The following MECOM variants were observed in gnomAD, a reference collection of about 807,000 sequenced individuals.
MECOM encodes the protein MDS1 and EVI1 complex locus.
Under a neutral mutation model 116.3 loss-of-function variants are expected in MECOM, and 13 were observed. That is an observed-to-expected ratio of 0.11 (90% CI 0.07 to 0.18). The LOEUF (loss-of-function observed/expected upper bound fraction) is 0.18, where lower values mean the gene tolerates loss of function less well. MECOM is among the 10% of genes least tolerant of loss of function. The probability of loss-of-function intolerance (pLI) is 1.00; values close to 1 mark genes in which losing one functional copy is unlikely to be tolerated. For synonymous variants in MECOM, 528 were observed against 535.2 expected, an observed-to-expected ratio of 0.99 and a Z score of 0.19; for missense variants, 1,299 against 1,509.0, an observed-to-expected ratio of 0.86 and a Z score of 2.31.
At chr3:169,311,881 G>T (rs977308104) in intron 2 of MECOM, among the ~76,000 whole-genome samples, 2 of 152,104 alleles carry the variant, frequency 1.3e-5, no homozygotes, top group Non-Finnish European at 2.9e-5. Flanking sequence ...TGATACCGTG[G>T]TTTAAGATGC....
At chr3:169,433,455 C>T (rs532076333) in intron 1 of MECOM, among the ~76,000 whole-genome samples, 11 of 147,140 alleles carry the variant, frequency 7.5e-5, no homozygotes, top group Non-Finnish European at 1.3e-4. Context: ...GCAACAACAG[C>T]GAAACTCGAA....
intron 2 of MECOM, among the ~76,000 whole-genome samples, chr3:169,379,868 T>C (rs1732108537): frequency 1.3e-5 from 2 of 152,138 alleles, no homozygotes; most frequent in Non-Finnish European, 2.9e-5. Context: ...AACTCACATA[T>C]CAGTTAATGC....
intron 2 of MECOM, among the ~76,000 whole-genome samples, chr3:169,355,085 C>T (rs1026657753): frequency 6.6e-6 from 1 of 151,766 alleles, no homozygotes; most frequent in Admixed American, 6.6e-5. Flanking sequence ...TTCAATTTGT[C>T]GGGAAAAAAG....
chr3:169,437,011 C>T lies in MECOM; in HGVS notation c.38-55487G>A, dbSNP rs75333350. ...AAATTATGAAGAAGTTATTTTGCTA[C>T]GGCTAAAAATAATTTCAGAGTACTT... On this transcript the variant is annotated intron_variant, in intron 1 of 16. Coordinates refer to ENST00000651503, the MANE Select transcript of MECOM (RefSeq NM_004991.4). Among the ~76,000 whole-genome samples, 555 of 152,134 alleles carry T rather than the reference C, an allele frequency of 3.6e-3. 8 individuals carry two copies. The East Asian group carries it at 0.049, about 13-fold the overall frequency.
At chr3:169,567,098 A>T (rs1483504020) in intron 1 of MECOM, among the ~76,000 whole-genome samples, 1 of 152,228 alleles carries the variant, frequency 6.6e-6, no homozygotes, top group Non-Finnish European at 1.5e-5. Flanking sequence ...GGGATGAATT[A>T]CACAATGTGA....
At chr3:169,168,251 G>C (rs1743904559) in intron 2 of MECOM, among the ~76,000 whole-genome samples, 1 of 149,770 alleles carries the variant, frequency 6.7e-6, no homozygotes, top group African/African-American at 2.4e-5. Context: ...GTCTCGCTTA[G>C]TTGCTCAGGC....
rs142788066 is a variant in MECOM, at chr3:169,112,022, T to C, written c.2577+765A>G. ...CTATCTATAAAGACCAGAGCTTGCA[T>C]CCTTTAAACAAAAGTAAAATAAATT... On this transcript the variant is annotated intron_variant, in intron 9 of 16. Coordinates refer to ENST00000651503, the MANE Select transcript of MECOM (RefSeq NM_004991.4). 7.0e-3 allele frequency among the ~76,000 whole-genome samples: 1,066 copies of C among 152,216 alleles called. 8 individuals carry two copies. The highest frequency in any genetic ancestry group is 0.011 in the Non-Finnish European group (728 of 67,980).
chr3:169,644,551 C>A (rs1302585902), intron 1 of MECOM, among the ~76,000 whole-genome samples: 2 of 152,150 alleles, frequency 1.3e-5, no homozygotes, highest in Admixed American at 6.5e-5. Context: ...GCCACCACAC[C>A]CGGCCCCTAC....
intron 2 of MECOM, among the ~76,000 whole-genome samples, chr3:169,341,404 G>A (rs1281959167): frequency 1.0e-4 from 15 of 149,928 alleles, no homozygotes; most frequent in African/African-American, 2.2e-4. Flanking sequence ...GGAGGTTGGC[G>A]GGGGAGGTGG....
At chr3:169,187,636 G>T (rs949019679) in intron 2 of MECOM, among the ~76,000 whole-genome samples, 1 of 152,104 alleles carries the variant, frequency 6.6e-6, no homozygotes, top group African/African-American at 2.4e-5. Flanking sequence ...AGGAGAGGGG[G>T]AGAGCAAGTT....
chr3:169,569,425 A>G (rs914663675), intron 1 of MECOM, among the ~76,000 whole-genome samples: 16 of 152,284 alleles, frequency 1.1e-4, no homozygotes, highest in South Asian at 6.2e-4. Flanking sequence ...CAGATCTACA[A>G]GACAGAAAAT....
At chr3:169,656,517 G>A (rs1317688004) in intron 1 of MECOM, among the ~76,000 whole-genome samples, 1 of 152,148 alleles carries the variant, frequency 6.6e-6, no homozygotes, top group African/African-American at 2.4e-5. Context: ...TAATGAAACA[G>A]TTCTTTAACC....
intron 2 of MECOM, among the ~76,000 whole-genome samples, chr3:169,311,398 C>A (rs563638371): frequency 1.3e-5 from 2 of 152,152 alleles, no homozygotes; most frequent in South Asian, 4.1e-4. Flanking sequence ...GCTGAAAACA[C>A]CCTAATTTTG....
intron 2 of MECOM, among the ~76,000 whole-genome samples, chr3:169,281,326 T>C (rs1290406589): frequency 1.3e-5 from 2 of 152,218 alleles, no homozygotes; most frequent in African/African-American, 2.4e-5. Flanking sequence ...CACTTACTTA[T>C]TGAAATTTTC....
intron 2 of MECOM, among the ~76,000 whole-genome samples, chr3:169,206,744 C>T (rs1170824059): frequency 7.4e-6 from 1 of 135,136 alleles, no homozygotes; most frequent in African/African-American, 3.0e-5. Context: ...AAGAATGAGA[C>T]TTCCTCTTAA....
At chr3:169,170,412 A>C (rs955757757) in intron 2 of MECOM, among the ~76,000 whole-genome samples, 6 of 151,536 alleles carry the variant, frequency 4.0e-5, no homozygotes, top group Non-Finnish European at 8.8e-5. Context: ...TCAAAAAAAA[A>C]AAAAAAAAAA....
intron 1 of MECOM, among the ~76,000 whole-genome samples, chr3:169,508,358 G>C (rs1256872463): frequency 6.6e-6 from 1 of 151,584 alleles, no homozygotes; most frequent in Non-Finnish European, 1.5e-5. Flanking sequence ...ACTGGTGAAT[G>C]ACACAAAAAG....
chr3:169,146,529 G>A (rs1248824988), intron 2 of MECOM: 4 of 1,378,396 alleles, frequency 2.9e-6, no homozygotes, highest in Non-Finnish European at 3.9e-6. Flanking sequence ...CCGTTTCGCA[G>A]GAGGAACAAG....
Position 169,116,473 on chromosome 3 carries a change from C to T in MECOM, c.1399G>A (p.Ala467Thr), listed in dbSNP as rs755177704. The change falls in exon 8 of 17, where the codon GCT becomes ACT. Residue 467 changes from alanine to threonine, a missense_variant. By Grantham distance (58) the Ala-to-Thr change is moderately conservative. Coordinates refer to ENST00000651503, the MANE Select transcript of MECOM (RefSeq NM_004991.4). ...VNMSHANPGL[A>T]DYFGANRHPA... The stretch of plus-strand genomic sequence containing the variant: ...TGCCTATTGGCGCCAAAATAGTCAG[C>T]AAGGCCCGGGTTGGCATGACTCATA... 2 of 1,614,140 alleles carry T rather than the reference C, an allele frequency of 1.2e-6. No homozygotes were observed. Among genetic ancestry groups the T allele is most frequent in the East Asian group, 4.5e-5 (2 of 44,876 alleles).
Sources: allele counts gnomAD v4.1 joint callset (sites outside exome capture counted in the v4.1 genomes callset), GRCh38; gene constraint gnomAD v4.1.1; transcripts MANE v1.5; gene names NCBI Gene and HGNC (gene_info 2026-07-23, HGNC 2026-07-21).